Variants in ROBO2 observed in about 807,000 individuals in gnomAD.
ROBO2 encodes the protein roundabout homolog 2.
Under a neutral mutation model 160.8 loss-of-function variants are expected in ROBO2, and 53 were observed. The ratio of observed to expected loss-of-function variants is 0.33; its 90% CI spans 0.26 to 0.41. The LOEUF (loss-of-function observed/expected upper bound fraction) is 0.41. Among genes scored for constraint, ROBO2 ranks in the 10% least tolerant of loss-of-function variants. The pLI is 1.00. For missense variants in ROBO2, 1,577 were observed against 1,722.4 expected (o/e 0.92, Z 1.49); for synonymous variants, 664 against 611.7 (o/e 1.09, Z -1.26).
chr3:77,427,597 G>A (rs2078335166), intron 2 of ROBO2, among the ~76,000 whole-genome samples: 1 of 152,196 alleles, frequency 6.6e-6, no homozygotes, highest in Admixed American at 6.5e-5. Flanking sequence ...CTGGATGTTA[G>A]TTGATTTCCT....
chr3:75,993,421 C>A (rs1022343860), intron 2 of ROBO2, among the ~76,000 whole-genome samples: 1 of 152,152 alleles, frequency 6.6e-6, no homozygotes, highest in Non-Finnish European at 1.5e-5. Context: ...ATTTGACTTA[C>A]CCTGCTTTCC....
chr3:76,228,971 A>G (rs958932369), intron 2 of ROBO2, among the ~76,000 whole-genome samples: 1 of 152,142 alleles, frequency 6.6e-6, no homozygotes, highest in African/African-American at 2.4e-5. Flanking sequence ...GTGAGCTGTG[A>G]TTGCACCACT....
At chr3:76,938,855 C>T (rs1344685718) in intron 2 of ROBO2, among the ~76,000 whole-genome samples, 3 of 151,786 alleles carry the variant, frequency 2.0e-5, no homozygotes, top group Non-Finnish European at 2.9e-5. Context: ...CCTGTAATCC[C>T]AGCTACTGGG....
Position 76,315,726 on chromosome 3 carries a change from A to G in ROBO2, c.109+378124A>G, listed in dbSNP as rs184314819. On this transcript the variant is annotated intron_variant, in intron 2 of 26. Coordinates refer to the ROBO2 transcript ENST00000487694. ...TAATAAAAAATTTACTGCCTCATAA[A>G]ACCAGTATCTCACATTCCTTGCTAT... Among the ~76,000 whole-genome samples, 1,053 of 152,306 alleles carry G rather than the reference A, an allele frequency of 6.9e-3. 13 individuals carry two copies. Among genetic ancestry groups the G allele is most frequent in the South Asian group, 0.049 (238 of 4,826 alleles).
intron 2 of ROBO2, among the ~76,000 whole-genome samples, chr3:76,065,752 T>TACACACAC (rs4054051): frequency 7.0e-6 from 1 of 143,746 alleles, no homozygotes; most frequent in African/African-American, 2.6e-5. Context: ...TATATATATA[T>TACACACAC]ACACACACAC....
intron 1 of ROBO2, among the ~76,000 whole-genome samples, chr3:75,927,689 T>A (rs1022070952): frequency 3.3e-5 from 5 of 152,220 alleles, no homozygotes; most frequent in African/African-American, 1.2e-4. Flanking sequence ...AAAAAGTTTC[T>A]TGTGGAATTT....
At chr3:76,838,002 A>G (rs1360712666) in intron 2 of ROBO2, among the ~76,000 whole-genome samples, 5 of 152,074 alleles carry the variant, frequency 3.3e-5, no homozygotes, top group Non-Finnish European at 7.4e-5. Flanking sequence ...TCTTTCATCT[A>G]ATGAAATGTT....
intron 2 of ROBO2, among the ~76,000 whole-genome samples, chr3:76,956,498 A>G (rs999863675): frequency 6.6e-6 from 1 of 150,580 alleles, no homozygotes; most frequent in African/African-American, 2.5e-5. Context: ...CAGAGCTTGC[A>G]GTGAGCCGAG....
At chr3:76,087,333 A>G (rs542390766) in intron 2 of ROBO2, among the ~76,000 whole-genome samples, 5 of 152,252 alleles carry the variant, frequency 3.3e-5, no homozygotes, top group Admixed American at 3.3e-4. Flanking sequence ...TCCTTTCAGA[A>G]GCTATGCAAG....
intron 2 of ROBO2, among the ~76,000 whole-genome samples, chr3:76,216,495 A>T (rs7653422): frequency 1.3e-5 from 2 of 152,258 alleles, no homozygotes; most frequent in African/African-American, 2.4e-5. Flanking sequence ...ACAGAAAAAG[A>T]CATGGGTTGC....
chr3:76,064,212 TG>T (rs1246705224), intron 2 of ROBO2, among the ~76,000 whole-genome samples: 1 of 152,166 alleles, frequency 6.6e-6, no homozygotes, highest in Non-Finnish European at 1.5e-5. Flanking sequence ...TCCTGACCCA[TG>T]GAAAATGAAA....
At chr3:76,171,041 T>C (rs2073020784) in intron 2 of ROBO2, among the ~76,000 whole-genome samples, 1 of 152,152 alleles carries the variant, frequency 6.6e-6, no homozygotes, top group Admixed American at 6.5e-5. Flanking sequence ...ATGAGATGAC[T>C]GCCTTCAGAG....
chr3:77,098,442 C>T (rs2150076428), intron 2 of ROBO2, 102 bp downstream of exon 2: 1 of 1,167,154 alleles, frequency 8.6e-7, no homozygotes. Context: ...AATCAATCAA[C>T]ACACTGCATA....
exon 24 of ROBO2, chr3:77,634,979 A>C (rs1385303547): frequency 6.2e-7 from 1 of 1,614,186 alleles, no homozygotes; most frequent in Admixed American, 1.7e-5. Flanking sequence ...CCACTAAAAA[A>C]CACAAGGGAG....
intron 2 of ROBO2, among the ~76,000 whole-genome samples, chr3:76,914,970 A>G (rs140702519): frequency 3.9e-5 from 6 of 152,310 alleles, no homozygotes; most frequent in Non-Finnish European, 7.3e-5. Context: ...GGAAGAATGA[A>G]ACCTAATTCA....
chr3:76,698,129 T>TGGAAGAATTGG (rs1460895738), intron 2 of ROBO2, among the ~76,000 whole-genome samples: 1 of 152,152 alleles, frequency 6.6e-6, no homozygotes, highest in African/African-American at 2.4e-5. Flanking sequence ...ATTCACTGGT[T>TGGAAGAATTGG]AGGCTTTTTC....
chr3:76,472,063 ATGTGTGTGTG>A (rs57259386), intron 2 of ROBO2, among the ~76,000 whole-genome samples: 151 of 137,942 alleles, frequency 1.1e-3, no homozygotes, highest in African/African-American at 3.5e-3. Flanking sequence ...GTCTGATAAA[ATGTGTGTGTG>A]TGTGTGTGTG....
chr3:76,724,971 G>A (rs1360201198), intron 2 of ROBO2, among the ~76,000 whole-genome samples: 1 of 152,120 alleles, frequency 6.6e-6, no homozygotes, highest in Non-Finnish European at 1.5e-5. Context: ...GCCATCAGAA[G>A]CTATAATAAA....
At chr3:77,200,294 TA>T (rs1298430326) in intron 2 of ROBO2, among the ~76,000 whole-genome samples, 3 of 71,728 alleles carry the variant, frequency 4.2e-5, no homozygotes, top group South Asian at 4.1e-4. Context: ...TATATATATA[TA>T]TATATATATA....
Sources: allele counts gnomAD v4.1 joint callset (sites outside exome capture counted in the v4.1 genomes callset), GRCh38; gene constraint gnomAD v4.1.1; transcripts MANE v1.5; gene names NCBI Gene and HGNC (gene_info 2026-07-23, HGNC 2026-07-21).